Variants in EFHD1 observed in about 807,000 individuals in gnomAD.
EFHD1 encodes the protein EF-hand domain-containing protein D1.
Under a neutral mutation model 17.2 loss-of-function variants are expected in EFHD1, and 10 were observed. The ratio of observed to expected loss-of-function variants is 0.58; its 90% CI spans 0.36 to 0.99. EFHD1 has a LOEUF of 0.99. Ranked by LOEUF, EFHD1 falls within the 50% of genes least tolerant of loss-of-function variation. EFHD1 has a pLI of 0.01. For synonymous variants in EFHD1, 153 were observed against 142.0 expected (o/e 1.08, Z -0.55); for missense variants, 310 against 327.5 (o/e 0.95, Z 0.41).
intron 1 of EFHD1, among the ~76,000 whole-genome samples, chr2:232,658,320 A>C (rs963954209): frequency 6.6e-6 from 1 of 152,054 alleles, no homozygotes; most frequent in East Asian, 1.9e-4. Flanking sequence ...GAGAGTCAGC[A>C]CCCTTTCCAG....
At chr2:232,641,007 C>T (rs529956405) in intron 1 of EFHD1, among the ~76,000 whole-genome samples, 9 of 152,178 alleles carry the variant, frequency 5.9e-5, no homozygotes, top group African/African-American at 2.2e-4. Context: ...CTGCAGCCAT[C>T]GGGAAGCAAG....
Position 232,612,927 on chromosome 2 carries a change from T to TTCG in EFHD1, c.14+6755_14+6757dup, listed in dbSNP as rs141967141. Among the ~76,000 whole-genome samples, 551 of 151,896 alleles carry TTCG rather than the reference T, an allele frequency of 3.6e-3. 2 individuals are homozygous for TTCG. Among genetic ancestry groups the TTCG allele is most frequent in the Non-Finnish European group, 6.3e-3 (427 of 67,934 alleles). On this transcript the variant is annotated intron_variant, in intron 1 of 3. Coordinates refer to the EFHD1 transcript ENST00000409613. ...TTTGTATTTTTAGTAGAGATGGGGT[T>TTCG]TCGCCATGTTAGCCAAGCTGGTCTC...
At chr2:232,657,583 G>A (rs889091790) in intron 1 of EFHD1, among the ~76,000 whole-genome samples, 2 of 152,052 alleles carry the variant, frequency 1.3e-5, no homozygotes, top group Admixed American at 6.6e-5. Flanking sequence ...ACCGAGGCAG[G>A]CGGATCACCT....
intron 1 of EFHD1, among the ~76,000 whole-genome samples, chr2:232,609,881 G>C (rs1323050243): frequency 1.3e-5 from 2 of 152,230 alleles, no homozygotes; most frequent in African/African-American, 4.8e-5. Flanking sequence ...GCTCCTCCGG[G>C]TCTCCTTTCT....
At chr2:232,608,652 C>T (rs968163249) in intron 1 of EFHD1, among the ~76,000 whole-genome samples, 1 of 152,030 alleles carries the variant, frequency 6.6e-6, no homozygotes, top group Non-Finnish European at 1.5e-5. Flanking sequence ...AGAAAACAGC[C>T]GGGCCCAGTG....
intron 1 of EFHD1, among the ~76,000 whole-genome samples, chr2:232,615,953 C>G (rs1464397884): frequency 6.6e-6 from 1 of 152,178 alleles, no homozygotes; most frequent in East Asian, 1.9e-4. Flanking sequence ...TCCCAAAGTG[C>G]TGGGATTATA....
chr2:232,651,265 A>G (rs1694649502), intron 1 of EFHD1, among the ~76,000 whole-genome samples: 1 of 152,218 alleles, frequency 6.6e-6, no homozygotes, highest in African/African-American at 2.4e-5. Context: ...CAGGCGTGCT[A>G]TTCTGTGGGG....
At chr2:232,639,335 G>A (rs959198000) in intron 1 of EFHD1, among the ~76,000 whole-genome samples, 1 of 152,010 alleles carries the variant, frequency 6.6e-6, no homozygotes, top group Non-Finnish European at 1.5e-5. Context: ...TTTCAAAGCT[G>A]TAAGGTCCAG....
chr2:232,612,187 C>T (rs972804954), intron 1 of EFHD1, among the ~76,000 whole-genome samples: 2 of 152,142 alleles, frequency 1.3e-5, no homozygotes, highest in African/African-American at 2.4e-5. Flanking sequence ...TTTGCTTTAG[C>T]CTAATTTCTG....
chr2:232,607,280 A>G (rs993534259), intron 1 of EFHD1, among the ~76,000 whole-genome samples: 5 of 151,838 alleles, frequency 3.3e-5, no homozygotes, highest in Non-Finnish European at 7.4e-5. Context: ...TATCTGTACA[A>G]AAGATTTAAA....
At chr2:232,646,436 CTTTTTTTTTTTTTT>C (rs71398729) in intron 1 of EFHD1, among the ~76,000 whole-genome samples, 1 of 67,138 alleles carries the variant, frequency 1.5e-5, no homozygotes, top group African/African-American at 6.3e-5. Flanking sequence ...CTCTTCTCTT[CTTTTTTTTTTTTTT>C]TTTTTTTTTT....
intron 1 of EFHD1, among the ~76,000 whole-genome samples, chr2:232,656,953 A>AT (rs1203030767): frequency 2.0e-5 from 3 of 151,736 alleles, no homozygotes; most frequent in East Asian, 1.9e-4. Flanking sequence ...TACTTTCTTA[A>AT]TTTTTTTGTA....
At chr2:232,624,195 C>T (rs1252260703) in intron 1 of EFHD1, among the ~76,000 whole-genome samples, 1 of 152,184 alleles carries the variant, frequency 6.6e-6, no homozygotes, top group East Asian at 1.9e-4. Flanking sequence ...TTGTTGTTCT[C>T]TTGATTCTCT....
At chr2:232,628,046 A>G (rs558773213) in intron 1 of EFHD1, among the ~76,000 whole-genome samples, 2 of 152,276 alleles carry the variant, frequency 1.3e-5, no homozygotes, top group Admixed American at 1.3e-4. Context: ...GTGCTTAACA[A>G]TGTTTTATTT....
chr2:232,645,420 G>A (rs1694510114), intron 1 of EFHD1, among the ~76,000 whole-genome samples: 1 of 152,122 alleles, frequency 6.6e-6, no homozygotes, highest in African/African-American at 2.4e-5. Context: ...CCACCCCCAG[G>A]TTTCCCCAGC....
chr2:232,615,312 A>AGCGTGTGT, intron 1 of EFHD1, among the ~76,000 whole-genome samples: 1 of 136,582 alleles, frequency 7.3e-6, no homozygotes, highest in African/African-American at 2.7e-5. Flanking sequence ...TGTCAACTAT[A>AGCGTGTGT]GTGTGTGTGT....
upstream of EFHD1, chr2:232,633,271 C>T (rs550955360): frequency 2.3e-4 from 45 of 192,666 alleles, no homozygotes; most frequent in Middle Eastern, 2.5e-3. Flanking sequence ...CGGGTTACTT[C>T]TGGGGGACAA....
intron 1 of EFHD1, among the ~76,000 whole-genome samples, chr2:232,658,915 G>A (rs1458396370): frequency 6.6e-6 from 1 of 152,042 alleles, no homozygotes; most frequent in East Asian, 1.9e-4. Flanking sequence ...CAGTAAAGCT[G>A]TTTTTTAAAA....
chr2:232,606,882 T>C (rs1176916539), intron 1 of EFHD1, among the ~76,000 whole-genome samples: 2 of 148,672 alleles, frequency 1.3e-5, no homozygotes, highest in East Asian at 4.0e-4. Context: ...AGAGCGAGAC[T>C]CCGTCTCAAA....
Sources: gnomAD v4.1 joint callset for allele counts (sites outside exome capture counted in the v4.1 genomes callset) on GRCh38, gnomAD v4.1.1 for gene constraint, MANE v1.5 for transcripts, NCBI Gene and HGNC (gene_info 2026-07-23, HGNC 2026-07-21) for gene names.